The following B3GLCT variants were observed in gnomAD, a reference collection of about 807,000 sequenced individuals.
B3GLCT encodes the protein beta 3-glucosyltransferase, also known as beta-1,3-glucosyltransferase.
B3GLCT carries 65 observed loss-of-function variants against 63.4 expected under a neutral mutation model. That is an observed-to-expected ratio of 1.03 (90% CI 0.84 to 1.26). B3GLCT has a LOEUF of 1.26. B3GLCT is among the 50% of genes most tolerant of loss of function. The probability of loss-of-function intolerance (pLI) is 0.00; values close to 1 mark genes in which losing one functional copy is unlikely to be tolerated. For missense variants in B3GLCT, 577 were observed against 604.8 expected (o/e 0.95, Z 0.48); for synonymous variants, 233 against 219.2 (o/e 1.06, Z -0.55).
chr13:31,243,887 C>A (rs1418729126), intron 4 of B3GLCT, among the ~76,000 whole-genome samples: 1 of 152,126 alleles, frequency 6.6e-6, no homozygotes, highest in Non-Finnish European at 1.5e-5. Flanking sequence ...TTACTGCAAG[C>A]GACCTTTTCA....
chr13:31,276,686 C>A lies in B3GLCT; in HGVS notation c.781-16C>A, dbSNP rs1566076921. The A allele has an allele frequency of 6.3e-7, 1 of 1,589,972 alleles. No homozygotes were observed. The highest frequency in any genetic ancestry group is 1.7e-5 in the Admixed American group (1 of 59,910). On this transcript the variant is annotated splice_polypyrimidine_tract_variant and intron_variant, in intron 9 of 14. Coordinates refer to ENST00000343307, the MANE Select transcript of B3GLCT (RefSeq NM_194318.4). ...TGACTCACATATGCATACATTTTTT[C>A]TTTTCTTTTTTTTAGAGAAAGCCAG...
intron 1 of B3GLCT, among the ~76,000 whole-genome samples, chr13:31,200,603 C>T (rs1555242749): frequency 2.0e-5 from 3 of 151,598 alleles, no homozygotes; most frequent in African/African-American, 4.8e-5. Context: ...CCTGCGCGCC[C>T]CGCGCCGGGC....
At chr13:31,204,758 G>C (rs963140726) in intron 1 of B3GLCT, among the ~76,000 whole-genome samples, 2 of 152,122 alleles carry the variant, frequency 1.3e-5, no homozygotes, top group Non-Finnish European at 2.9e-5. Context: ...CTGTGAGGAG[G>C]CTGCTGGACA....
At position 31,329,483 on chromosome 13, in the gene B3GLCT, T is replaced by C. The variant is rs754548070; in HGVS notation, c.1330-18T>C. 10 of 1,613,810 alleles carry C rather than the reference T, an allele frequency of 6.2e-6. No individual in the cohort carries two copies. The Admixed American group carries it at 8.3e-5, about 13-fold the overall frequency. On this transcript the variant is annotated intron_variant, in intron 14 of 14. Transcript: ENST00000343307. ...TATTCAATCAACAAGGAAGCCTAAC[T>C]CTCTATTTTTCCTGCAGGCTCGGCC...
intron 2 of B3GLCT, among the ~76,000 whole-genome samples, chr13:31,218,166 GT>G (rs1869644588): frequency 7.2e-6 from 1 of 138,306 alleles, no homozygotes; most frequent in African/African-American, 2.7e-5. Flanking sequence ...ATTCCTAGGT[GT>G]TTTATTCTTT....
At chr13:31,285,484 A>T (rs150618939) in intron 11 of B3GLCT, among the ~76,000 whole-genome samples, 4 of 152,162 alleles carry the variant, frequency 2.6e-5, no homozygotes, top group African/African-American at 9.6e-5. Flanking sequence ...TGTGTCAAAA[A>T]ATGGAAGTGA....
intron 12 of B3GLCT, among the ~76,000 whole-genome samples, chr13:31,295,567 G>A (rs1769462895): frequency 6.6e-6 from 1 of 152,174 alleles, no homozygotes; most frequent in African/African-American, 2.4e-5. Flanking sequence ...GCCTAGCTGT[G>A]GTGGCCTCCA....
At chr13:31,238,539 G>T (rs1426035808) in intron 4 of B3GLCT, among the ~76,000 whole-genome samples, 1 of 152,242 alleles carries the variant, frequency 6.6e-6, no homozygotes, top group Non-Finnish European at 1.5e-5. Context: ...CAAAGGATTA[G>T]AAAGGAATTT....
chr13:31,242,519 C>T (rs1871006377), intron 4 of B3GLCT, among the ~76,000 whole-genome samples: 1 of 152,238 alleles, frequency 6.6e-6, no homozygotes, highest in Non-Finnish European at 1.5e-5. Context: ...TATTAACTCA[C>T]TTGCTCCCCT....
chr13:31,297,526 G>A (rs7986755), intron 12 of B3GLCT, among the ~76,000 whole-genome samples: 95,465 of 151,948 alleles, frequency 0.63, 31,558 homozygotes, highest in East Asian at 0.78. Flanking sequence ...GACAACTTCC[G>A]TGACCAAAAG....
At position 31,327,365 on chromosome 13, in the gene B3GLCT, T is replaced by G. The variant is rs79261633; in HGVS notation, c.1330-2136T>G. 5.0e-3 allele frequency among the ~76,000 whole-genome samples: 764 copies of G among 152,126 alleles called. 8 individuals carry two copies. The highest frequency in any genetic ancestry group is 0.018 in the African/African-American group (734 of 41,488). ...CTTCTAGCGACTCAGGGGCAGGGAG[T>G]GTAGACAGCATGAAGATGCTGAACA... On this transcript the variant is annotated intron_variant, in intron 14 of 14. Coordinates refer to ENST00000343307, the MANE Select transcript of B3GLCT (RefSeq NM_194318.4).
chr13:31,283,885 C>T (rs1873189770), intron 10 of B3GLCT, among the ~76,000 whole-genome samples: 1 of 152,090 alleles, frequency 6.6e-6, no homozygotes, highest in South Asian at 2.1e-4. Context: ...CAAGAAACCA[C>T]TTTTTAAAAT....
At chr13:31,210,060 G>C (rs922903649) in intron 1 of B3GLCT, among the ~76,000 whole-genome samples, 1 of 152,172 alleles carries the variant, frequency 6.6e-6, no homozygotes, top group African/African-American at 2.4e-5. Context: ...GCACTCCGGG[G>C]CTTAGGCTGG....
In B3GLCT at chr13:31,328,764, G is replaced by A. The variant is rs7329716; in HGVS notation, c.1330-737G>A. Among the ~76,000 whole-genome samples the A allele has an allele frequency of 5.4e-3, 758 of 141,032 alleles. 8 individuals carry two copies. Among genetic ancestry groups the A allele is most frequent in the African/African-American group, 0.019 (728 of 38,086 alleles). The allele number at this position is 141,032 out of a possible 152,430, so 92.5% of individuals were successfully genotyped here. On this transcript the variant is annotated intron_variant, in intron 14 of 14. Transcript: ENST00000343307. ...TACTTTGCTTAGAGAAAACAAAATA[G>A]TATCTGATTTCAGTTTCCTTCTAAC...
In B3GLCT at chr13:31,213,805, A is replaced by G. The variant is rs1468294332; in HGVS notation, c.71-1246A>G. 4.6e-5 allele frequency among the ~76,000 whole-genome samples: 7 copies of G among 152,092 alleles called. No homozygotes were observed. The East Asian group carries it at 1.4e-3, about 29-fold the overall frequency. ...TGGAATTGGGGATTTATTATTTTAC[A>G]TGAGGTGGTCTTGGGGAGGCCTTGT... is the stretch of plus-strand genomic sequence containing the variant. On this transcript the variant is annotated intron_variant, in intron 1 of 14. Coordinates refer to ENST00000343307, the MANE Select transcript of B3GLCT (RefSeq NM_194318.4).
At chr13:31,224,010 G>C (rs944760660) in intron 3 of B3GLCT, among the ~76,000 whole-genome samples, 1 of 152,148 alleles carries the variant, frequency 6.6e-6, no homozygotes, top group South Asian at 2.1e-4. Context: ...AAGGATAAAG[G>C]AAAGTGTTCC....
intron 9 of B3GLCT, 117 bp downstream of exon 9, chr13:31,274,745 G>T (rs1872706202): frequency 7.8e-7 from 1 of 1,288,710 alleles, no homozygotes; most frequent in African/African-American, 1.5e-5. Context: ...TGTGCAAGTT[G>T]GTTATAAGGG....
intron 2 of B3GLCT, 92 bp downstream of exon 2, chr13:31,215,192 G>C (rs1311057478): frequency 7.8e-7 from 1 of 1,277,838 alleles, no homozygotes; most frequent in Non-Finnish European, 1.1e-6. Context: ...TTCTTCAATT[G>C]TTATTTTTAT....
intron 7 of B3GLCT, among the ~76,000 whole-genome samples, chr13:31,263,785 C>T (rs988108784): frequency 7.9e-5 from 12 of 152,172 alleles, no homozygotes; most frequent in African/African-American, 2.9e-4. Flanking sequence ...GGGAAGGTAG[C>T]CAGTGCCCAG....
Sources: allele counts gnomAD v4.1 joint callset (sites outside exome capture counted in the v4.1 genomes callset), GRCh38; gene constraint gnomAD v4.1.1; transcripts MANE v1.5; gene names NCBI Gene and HGNC (gene_info 2026-07-23, HGNC 2026-07-21).